AKAP6: variants seen among roughly 807,000 people sequenced by gnomAD.
The protein encoded by AKAP6 is A-kinase anchoring protein 6.
A neutral mutation model predicts 188.5 loss-of-function variants in AKAP6; 58 were observed. That is an observed-to-expected ratio of 0.31 (90% confidence interval 0.25 to 0.38). The LOEUF (loss-of-function observed/expected upper bound fraction) is 0.38, where lower values mean the gene tolerates loss of function less well. Ranked by LOEUF, AKAP6 falls within the 10% of genes least tolerant of loss-of-function variation. The pLI is 1.00. For missense variants in AKAP6, 2,710 were observed against 2,740.0 expected (o/e 0.99, Z 0.24); for synonymous variants, 989 against 998.6 (o/e 0.99, Z 0.18).
At chr14:32,755,254 GT>G (rs935659403) in intron 11 of AKAP6, among the ~76,000 whole-genome samples, 2 of 151,414 alleles carry the variant, frequency 1.3e-5, no homozygotes, top group African/African-American at 2.4e-5. Flanking sequence ...AAGCTCTGTG[GT>G]TTTTTTTCTT....
chr14:32,799,061 G>A lies in AKAP6; in HGVS notation c.3589-22341G>A, dbSNP rs570682989. Among the ~76,000 whole-genome samples the A allele has an allele frequency of 2.0e-3, 299 of 152,202 alleles. 2 individuals are homozygous for A. Among genetic ancestry groups the A allele is most frequent in the African/African-American group, 6.3e-3 (262 of 41,540 alleles). On this transcript the variant is annotated intron_variant, in intron 12 of 13. Transcript: ENST00000280979. ...ATTTGTAATTGTCTAGAAATAATAC[G>A]TTGTGTGGCATAGTAGACAATATAT...
intron 2 of AKAP6, among the ~76,000 whole-genome samples, chr14:32,512,283 T>G (rs1422587654): frequency 6.6e-6 from 1 of 152,188 alleles, no homozygotes; most frequent in Non-Finnish European, 1.5e-5. Flanking sequence ...CACTCGTTGT[T>G]TGATATGAGT....
intron 3 of AKAP6, among the ~76,000 whole-genome samples, chr14:32,542,231 AAT>A (rs1194539237): frequency 6.6e-6 from 1 of 152,188 alleles, no homozygotes; most frequent in Non-Finnish European, 1.5e-5. Context: ...TTGGGCTTTT[AAT>A]TATTGGAGTT....
chr14:32,655,740 T>C (rs1289140102), intron 7 of AKAP6, among the ~76,000 whole-genome samples: 1 of 152,110 alleles, frequency 6.6e-6, no homozygotes, highest in African/African-American at 2.4e-5. Flanking sequence ...TGGTGATAAA[T>C]AGACAAATTG....
intron 5 of AKAP6, among the ~76,000 whole-genome samples, chr14:32,594,363 G>C (rs1010249632): frequency 4.6e-5 from 7 of 151,966 alleles, no homozygotes; most frequent in African/African-American, 1.7e-4. Context: ...GATACAATTT[G>C]GAATCTTCAT....
chr14:32,827,710 C>T (rs1320574707), intron 13 of AKAP6, among the ~76,000 whole-genome samples: 4 of 152,194 alleles, frequency 2.6e-5, no homozygotes, highest in African/African-American at 9.7e-5. Flanking sequence ...GGAGGAAGCA[C>T]ATAATGTATG....
chr14:32,800,690 ACTT>A (rs35841844), intron 12 of AKAP6, among the ~76,000 whole-genome samples: 33,473 of 151,764 alleles, frequency 0.22, 4,424 homozygotes, highest in Non-Finnish European at 0.3. Context: ...TCATCTCCTT[ACTT>A]TTAACATAGC....
intron 12 of AKAP6, among the ~76,000 whole-genome samples, chr14:32,788,289 T>G (rs1199106082): frequency 6.6e-6 from 1 of 152,130 alleles, no homozygotes; most frequent in Non-Finnish European, 1.5e-5. Flanking sequence ...ATTTAACTTT[T>G]CTGTGCCTCA....
At position 32,557,673 on chromosome 14, in the gene AKAP6, G is replaced by A. The variant is rs532010862; in HGVS notation, c.2346+10674G>A. 7.2e-5 allele frequency among the ~76,000 whole-genome samples: 11 copies of A among 152,272 alleles called. No individual in the cohort carries two copies. In the East Asian group the frequency reaches 7.7e-4, roughly 11 times the overall value. ...CTTATGAGTATCCTTATCAGGAAGC[G>A]TCTTGAGGCTATGGAATTCCACTTT... On this transcript the variant is annotated intron_variant, in intron 4 of 13. Coordinates refer to ENST00000280979, the MANE Select transcript of AKAP6 (RefSeq NM_004274.5).
At chr14:32,770,522 T>C in intron 11 of AKAP6, among the ~76,000 whole-genome samples, 1 of 152,242 alleles carries the variant, frequency 6.6e-6, no homozygotes, top group East Asian at 1.9e-4. Flanking sequence ...ATTTCAAACT[T>C]TTCTGTTTCC....
intron 2 of AKAP6, among the ~76,000 whole-genome samples, chr14:32,533,015 C>T (rs2139105942): frequency 6.6e-6 from 1 of 152,234 alleles, no homozygotes; most frequent in Admixed American, 6.5e-5. Flanking sequence ...GATATTGTTA[C>T]ACAGGTGAAG....
chr14:32,343,006 G>C (rs1224409184), intron 1 of AKAP6, among the ~76,000 whole-genome samples: 1 of 152,148 alleles, frequency 6.6e-6, no homozygotes, highest in Non-Finnish European at 1.5e-5. Flanking sequence ...GTTCACAATA[G>C]AACAAAACAG....
At chr14:32,469,983 C>T (rs898040548) in intron 2 of AKAP6, among the ~76,000 whole-genome samples, 1 of 152,092 alleles carries the variant, frequency 6.6e-6, no homozygotes, top group East Asian at 1.9e-4. Context: ...TTCAGTTGCT[C>T]TTCCAATGAA....
rs575119348 is a variant in AKAP6 at position 32,433,362 on chromosome 14, T to G, written c.-34-98T>G. 6 of 838,130 alleles carry G rather than the reference T, an allele frequency of 7.2e-6. No individual in the cohort carries two copies. In the East Asian group the frequency reaches 1.6e-4, roughly 23 times the overall value. The allele number at this position is 838,130 out of a possible 1,614,324, so 51.9% of individuals were successfully genotyped here. ...GCTATGGTTTCTTAATTTAGAAATCTGGCTTAATTTAGAAATCCTGTTTCT... is the reference window on the plus strand; with the variant it reads ...GCTATGGTTTCTTAATTTAGAAATCGGGCTTAATTTAGAAATCCTGTTTCT... On this transcript the variant is annotated intron_variant, in intron 1 of 13. Coordinates refer to ENST00000280979, the MANE Select transcript of AKAP6 (RefSeq NM_004274.5).
In AKAP6 at chr14:32,630,508, A is replaced by G. The variant is rs570209918; in HGVS notation, c.2730+29716A>G. The stretch of plus-strand genomic sequence containing the variant: ...CAAGACATTTTGCAATAATTTTTAC[A>G]GTAGTTCAGGGGAAAAAAGGAGATA... On this transcript the variant is annotated intron_variant, in intron 7 of 13. Coordinates refer to ENST00000280979, the MANE Select transcript of AKAP6 (RefSeq NM_004274.5). Among the ~76,000 whole-genome samples the G allele has an allele frequency of 6.6e-5, 10 of 152,252 alleles. No individual in the cohort carries two copies. The South Asian group carries it at 2.1e-3, about 32-fold the overall frequency.
chr14:32,408,103 G>A (rs1594584782), intron 1 of AKAP6, among the ~76,000 whole-genome samples: 1 of 152,250 alleles, frequency 6.6e-6, no homozygotes, highest in East Asian at 1.9e-4. Flanking sequence ...AAACTTCTAA[G>A]AAGGTAGTTA....
At chr14:32,480,308 A>G (rs1879275597) in intron 2 of AKAP6, among the ~76,000 whole-genome samples, 1 of 152,212 alleles carries the variant, frequency 6.6e-6, no homozygotes, top group Non-Finnish European at 1.5e-5. Flanking sequence ...AGAGGAAAAA[A>G]ATTCACAATT....
chr14:32,345,959 C>T (rs913459795), intron 1 of AKAP6, among the ~76,000 whole-genome samples: 4 of 152,176 alleles, frequency 2.6e-5, no homozygotes, highest in African/African-American at 4.8e-5. Flanking sequence ...TGTCTGAGCT[C>T]TCTCATGTAT....
chr14:32,772,924 A>G (rs2032943744), intron 11 of AKAP6, among the ~76,000 whole-genome samples: 1 of 152,232 alleles, frequency 6.6e-6, no homozygotes, highest in South Asian at 2.1e-4. Context: ...TAATATTTTT[A>G]GACATGTGTA....
Sources: gnomAD v4.1 joint callset for allele counts (sites outside exome capture counted in the v4.1 genomes callset) on GRCh38, gnomAD v4.1.1 for gene constraint, MANE v1.5 for transcripts, NCBI Gene and HGNC (gene_info 2026-07-23, HGNC 2026-07-21) for gene names.